The following TMEM123 variants were observed in gnomAD, a reference collection of about 807,000 sequenced individuals.
TMEM123 encodes porimin.
Under a neutral mutation model 19.7 loss-of-function variants are expected in TMEM123, and 16 were observed. That is an observed-to-expected ratio of 0.81 (90% CI 0.55 to 1.23). The LOEUF is 1.23. Ranked by LOEUF, TMEM123 falls within the 50% of genes most tolerant of loss-of-function variation. The pLI is 0.00. For synonymous variants in TMEM123, 118 were observed against 99.4 expected, an observed-to-expected ratio of 1.19 and a Z score of -1.12; for missense variants, 313 against 257.8, an observed-to-expected ratio of 1.21 and a Z score of -1.47.
At position 102,401,640 on chromosome 11, in the gene TMEM123, C is replaced by T; in HGVS notation, c.501G>A (p.Gly167=). The change falls in exon 4 of 5, where the codon GGG becomes GGA. Residue 167 remains glycine, a synonymous_variant. Transcript: ENST00000398136. ...EAKKGSKFDT[G]SFVGGIVLTL... is the part of the protein sequence containing the mutation. ...TTAATACAATACCACCAACAAAGCT[C>T]CCAGTATCAAATTTTGATCCTTTCT... is the stretch of plus-strand genomic sequence containing the variant. 6.2e-7 allele frequency: 1 copy of T among 1,607,924 alleles called. No homozygotes were observed. The highest frequency in any genetic ancestry group is 8.5e-7 in the Non-Finnish European group (1 of 1,178,608).
chr11:102,400,811 G>A (rs183433234), intron 4 of TMEM123, among the ~76,000 whole-genome samples: 115 of 152,252 alleles, frequency 7.6e-4, no homozygotes, highest in Admixed American at 4.0e-3. Context: ...CCAAGCCTCC[G>A]GAAGTGTGAG....
rs566943662 is a variant in TMEM123, at chr11:102,441,439, G to A, written c.157+7373C>T. Among the ~76,000 whole-genome samples, 88 of 152,258 alleles carry A rather than the reference G, an allele frequency of 5.8e-4. 1 individual carries two copies. The highest frequency in any genetic ancestry group is 2.0e-3 in the African/African-American group (82 of 41,530). Reference sequence around the variant, plus strand: ...GAAACTGAACAACCTGCTCCTGAATGACTACTGGGTACATAACAAAATGAA... The same window carrying A: ...GAAACTGAACAACCTGCTCCTGAATAACTACTGGGTACATAACAAAATGAA... On this transcript the variant is annotated intron_variant, in intron 2 of 4. Transcript: ENST00000398136.
chr11:102,438,502 C>G (rs555252976), intron 2 of TMEM123, among the ~76,000 whole-genome samples: 1 of 152,176 alleles, frequency 6.6e-6, no homozygotes, highest in Non-Finnish European at 1.5e-5. Flanking sequence ...CAGTGACTAA[C>G]GGAGTGGGCA....
intron 1 of TMEM123, among the ~76,000 whole-genome samples, chr11:102,452,008 G>A (rs1344829642): frequency 1.3e-5 from 2 of 152,238 alleles, no homozygotes; most frequent in African/African-American, 4.8e-5. Flanking sequence ...GTCTAACTTC[G>A]AGCGTCAGGG....
intron 2 of TMEM123, among the ~76,000 whole-genome samples, chr11:102,431,625 C>T (rs1358306855): frequency 1.3e-5 from 2 of 152,218 alleles, no homozygotes; most frequent in Non-Finnish European, 2.9e-5. Flanking sequence ...AGAATTTGCA[C>T]ATTTGCTTTT....
At chr11:102,446,572 TA>T (rs1857885463) in intron 2 of TMEM123, among the ~76,000 whole-genome samples, 2 of 152,222 alleles carry the variant, frequency 1.3e-5, no homozygotes, top group Admixed American at 6.5e-5. Flanking sequence ...AATTACAAAA[TA>T]TCTATGTTGC....
rs943967853 is a variant in TMEM123 at position 102,397,195 on chromosome 11, A to G, written c.*1672T>C. 8 of 152,160 alleles carry G rather than the reference A, an allele frequency of 5.3e-5. No individual in the cohort carries two copies. Among genetic ancestry groups the G allele is most frequent in the African/African-American group, 9.7e-5 (4 of 41,428 alleles). The allele number at this position is 152,160 out of a possible 1,614,324, so 9.4% of individuals were successfully genotyped here. A position where few individuals can be genotyped will look rare whatever the true frequency, so the allele number is the denominator to read the frequency against. ...TCCATATTTTGGATCATTTTTTTCT[A>G]TATTCATCAGATTATTGGTTAAAAT... On this transcript the variant is annotated 3_prime_UTR_variant, in exon 5 of 5. Transcript: ENST00000398136.
intron 2 of TMEM123, among the ~76,000 whole-genome samples, chr11:102,418,214 T>C (rs1053638946): frequency 3.9e-5 from 6 of 152,138 alleles, no homozygotes; most frequent in African/African-American, 1.2e-4. Context: ...AGAGCTTCTG[T>C]ACTGCAAAAG....
intron 2 of TMEM123, among the ~76,000 whole-genome samples, chr11:102,408,963 A>C (rs994142553): frequency 1.3e-5 from 2 of 152,220 alleles, no homozygotes; most frequent in East Asian, 3.8e-4. Flanking sequence ...CATTCCGACT[A>C]TCTCTGCTGT....
intron 2 of TMEM123, among the ~76,000 whole-genome samples, chr11:102,427,868 G>A (rs528725136): frequency 6.6e-6 from 1 of 151,486 alleles, no homozygotes; most frequent in Non-Finnish European, 1.5e-5. Flanking sequence ...TACAGAAATA[G>A]AATGAAAATG....
chr11:102,450,155 A>ATGGAGTG (rs1857923656), intron 1 of TMEM123, among the ~76,000 whole-genome samples: 1 of 152,158 alleles, frequency 6.6e-6, no homozygotes, highest in Non-Finnish European at 1.5e-5. Context: ...ATTGCCACTC[A>ATGGAGTG]CCATCATCTT....
Position 102,396,803 on chromosome 11 carries a change from T to C in TMEM123, c.*2064A>G, listed in dbSNP as rs575766421. The C allele has an allele frequency of 2.0e-5, 3 of 152,304 alleles. No homozygotes were observed. The highest frequency in any genetic ancestry group is 4.4e-5 in the Non-Finnish European group (3 of 68,026). The allele number at this position is 152,304 out of a possible 1,614,324, so 9.4% of individuals were successfully genotyped here. ...CATAACTAAACTACTTCAAACCCAA[T>C]GCAGAGGAAACTTTCAAGGCAAATG... On this transcript the variant is annotated 3_prime_UTR_variant, in exon 5 of 5. Transcript: ENST00000398136.
chr11:102,452,310 A>C, intron 1 of TMEM123: 1 of 402,838 alleles, frequency 2.5e-6, no homozygotes, highest in Non-Finnish European at 4.4e-6. Context: ...GAGGGGAAGC[A>C]CCAGGCAATT....
intron 2 of TMEM123, among the ~76,000 whole-genome samples, chr11:102,443,975 G>A (rs1046552680): frequency 3.9e-5 from 6 of 152,192 alleles, no homozygotes; most frequent in African/African-American, 1.2e-4. Context: ...TCAGAGAAAT[G>A]CAAATCAAAA....
intron 2 of TMEM123, among the ~76,000 whole-genome samples, chr11:102,412,962 CAT>C (rs1435257792): frequency 6.6e-6 from 1 of 152,056 alleles, no homozygotes; most frequent in Admixed American, 6.5e-5. Context: ...AAATAAGTAA[CAT>C]ATTTCTCAAT....
chr11:102,421,527 A>C (rs1413991456), intron 2 of TMEM123, among the ~76,000 whole-genome samples: 2 of 152,154 alleles, frequency 1.3e-5, no homozygotes, highest in Admixed American at 6.6e-5. Context: ...AGCAAAAAAA[A>C]AAACTGTCTG....
Position 102,401,709 on chromosome 11 carries a change from CAA to C in TMEM123, c.449-19_449-18del. 3.8e-6 allele frequency: 6 copies of C among 1,559,480 alleles called. No homozygotes were observed. The highest frequency in any genetic ancestry group is 5.2e-6 in the Non-Finnish European group (6 of 1,163,424). ...TTGTTGTGACTAGAACAAAAGAAAA[CAA>C]AAAAGGGCTTTAGCGTTATTTTTTT... On this transcript the variant is annotated intron_variant, in intron 3 of 4. Transcript: ENST00000398136.
rs1951914379 is a variant in TMEM123, at chr11:102,401,662, T to G, written c.479A>C (p.Lys160Thr). The change falls in exon 4 of 5, where the codon AAA (lysine) becomes ACA (threonine). Residue 160 changes from lysine to threonine, a missense_variant. Lys to Thr is a moderately conservative substitution (Grantham distance 78, BLOSUM62 -1). Coordinates refer to ENST00000398136, the MANE Select transcript of TMEM123 (RefSeq NM_052932.3). Reference sequence around the variant, plus strand: ...GCTCCCAGTATCAAATTTTGATCCTTTCTTTGCTTCAGAATGCATAGTTGT... The same window carrying G: ...GCTCCCAGTATCAAATTTTGATCCTGTCTTTGCTTCAGAATGCATAGTTGT... ...ITTTMHSEAK[K>T]GSKFDTGSFV... The G allele has an allele frequency of 6.2e-7, 1 of 1,605,450 alleles. No individual in the cohort carries two copies. The highest frequency in any genetic ancestry group is 8.5e-7 in the Non-Finnish European group (1 of 1,178,052).
chr11:102,420,560 A>G (rs1295718144), intron 2 of TMEM123, among the ~76,000 whole-genome samples: 3 of 152,212 alleles, frequency 2.0e-5, no homozygotes, highest in Non-Finnish European at 4.4e-5. Flanking sequence ...AAAGAGGTTG[A>G]GTAACTTGCC....
Sources: allele counts gnomAD v4.1 joint callset (sites outside exome capture counted in the v4.1 genomes callset), GRCh38; gene constraint gnomAD v4.1.1; transcripts MANE v1.5; gene names NCBI Gene and HGNC (gene_info 2026-07-23, HGNC 2026-07-21).